The following WDR35 variants were observed in gnomAD, a reference collection of about 807,000 sequenced individuals.
WDR35 encodes WD repeat domain 35, also known as WD repeat-containing protein 35.
In WDR35, 118 loss-of-function variants were observed where a neutral mutation model predicts 158.3. The observed-to-expected ratio is 0.75, with a 90% CI of 0.64 to 0.87. WDR35 has a LOEUF of 0.87. WDR35 is among the 40% of genes least tolerant of loss of function. WDR35 has a pLI of 0.00. For synonymous variants in WDR35, 448 were observed against 476.1 expected, an observed-to-expected ratio of 0.94 and a Z score of 0.77; for missense variants, 1,263 against 1,405.8, an observed-to-expected ratio of 0.90 and a Z score of 1.62.
At chr2:19,957,047 A>G (rs1671468239) in intron 11 of WDR35, among the ~76,000 whole-genome samples, 1 of 152,226 alleles carries the variant, frequency 6.6e-6, no homozygotes, top group Admixed American at 6.5e-5. Context: ...TTTAGCAGAT[A>G]AAGAAACTGA....
At chr2:19,963,834 T>C (rs928421010) in intron 10 of WDR35, among the ~76,000 whole-genome samples, 1 of 151,934 alleles carries the variant, frequency 6.6e-6, no homozygotes, top group Admixed American at 6.6e-5. Flanking sequence ...GCCTCTGCCT[T>C]CAGGGTTCAA....
intron 14 of WDR35, among the ~76,000 whole-genome samples, chr2:19,947,479 T>C (rs1368838056): frequency 2.6e-5 from 4 of 152,236 alleles, no homozygotes; most frequent in African/African-American, 9.6e-5. Context: ...GCAGCATTAC[T>C]GTATAAAAGT....
chr2:19,974,505 A>C lies in WDR35; in HGVS notation c.699T>G (p.Asn233Lys), dbSNP rs764618231. 1 of 1,611,870 alleles carries C rather than the reference A, an allele frequency of 6.2e-7. No homozygotes were observed. Among genetic ancestry groups the C allele is most frequent in the Non-Finnish European group, 8.5e-7 (1 of 1,178,842 alleles). Reference protein sequence around the residue: ...DCPCLAVCFDNGRCQIMRHEN... With the variant: ...DCPCLAVCFDKGRCQIMRHEN... The stretch of plus-strand genomic sequence containing the variant: ...CATGTCTCATTATTTGGCATCTTCC[A>C]TTATCAAAGCAAACAGCAAGGCAAG... Residue 233 changes from asparagine (N) to lysine (K), a missense_variant, in exon 7 of 27, where the codon AAT becomes AAG. By Grantham distance (94) the Asn-to-Lys change is moderately conservative. Coordinates refer to ENST00000281405, the MANE Select transcript of WDR35 (RefSeq NM_020779.4).
chr2:19,924,256 CA>C (rs1428716408), intron 25 of WDR35, among the ~76,000 whole-genome samples: 2 of 152,118 alleles, frequency 1.3e-5, no homozygotes, highest in African/African-American at 4.8e-5. Context: ...AGCTTGGTTA[CA>C]GGAGTCTCTT....
intron 25 of WDR35, among the ~76,000 whole-genome samples, chr2:19,924,985 A>T (rs1670311541): frequency 6.6e-6 from 1 of 152,222 alleles, no homozygotes; most frequent in Non-Finnish European, 1.5e-5. Flanking sequence ...TGATTTTGGG[A>T]AATGCAATGA....
intron 25 of WDR35, 24 bp from the exon 26 acceptor site, chr2:19,914,301 G>A (rs781726185): frequency 6.2e-7 from 1 of 1,613,448 alleles, no homozygotes; most frequent in African/African-American, 1.3e-5. Flanking sequence ...GGCAATTGGG[G>A]TTTTTTAAAA....
chr2:19,913,750 C>A lies in WDR35; in HGVS notation c.3363-42G>T. ...AACAATTCATTATACTTTAAAACTT[C>A]TCATTAGTCTAACTTTATTTAATAC... On this transcript the variant is annotated intron_variant, in intron 26 of 26. Transcript: ENST00000281405. 3 of 1,612,992 alleles carry A rather than the reference C, an allele frequency of 1.9e-6. No homozygotes were observed. The South Asian group carries it at 3.3e-5, about 18-fold the overall frequency.
chr2:19,978,945 T>C (rs763378110), intron 4 of WDR35, 66 bp from the exon 5 acceptor site: 98 of 1,596,628 alleles, frequency 6.1e-5, no homozygotes, highest in Non-Finnish European at 8.2e-5. Flanking sequence ...TAGTTAAGAA[T>C]TGAAAGCATT....
chr2:19,922,781 A>G (rs1314254075), intron 25 of WDR35, among the ~76,000 whole-genome samples: 1 of 152,168 alleles, frequency 6.6e-6, no homozygotes. Flanking sequence ...CTGGCCATAA[A>G]CCAGCCCCAA....
rs760917850 is a variant in WDR35, at chr2:19,936,314, G to A, written c.2319C>T (p.Leu773=). 1 of 1,614,012 alleles carries A rather than the reference G, an allele frequency of 6.2e-7. No homozygotes were observed. Among genetic ancestry groups the A allele is most frequent in the South Asian group, 1.1e-5 (1 of 91,076 alleles). The change falls in exon 20 of 27, where the codon CTC becomes CTT. Residue 773 remains leucine (L), a synonymous_variant. Transcript: ENST00000281405. Reference sequence around the variant, plus strand: ...CACCAGATCCAGTTTTCAGGAGCTGGAGTACTCTAAACCAATCCCCCAATT... The same window carrying A: ...CACCAGATCCAGTTTTCAGGAGCTGAAGTACTCTAAACCAATCCCCCAATT... ...RLKLGDWFRV[L]QLLKTGSGDA...
chr2:19,938,947 T>C (rs963557155), intron 17 of WDR35, among the ~76,000 whole-genome samples: 1 of 152,200 alleles, frequency 6.6e-6, no homozygotes, highest in African/African-American at 2.4e-5. Context: ...TGTTAATTAA[T>C]AGTTGCTGAA....
chr2:19,919,771 C>T (rs1025526631), intron 25 of WDR35, among the ~76,000 whole-genome samples: 9 of 152,020 alleles, frequency 5.9e-5, no homozygotes, highest in African/African-American at 2.2e-4. Flanking sequence ...ACAAAAAACC[C>T]TCCAAAAAAT....
intron 13 of WDR35, 132 bp downstream of exon 13, chr2:19,951,283 G>C (rs570647541): frequency 1.2e-6 from 1 of 824,092 alleles, no homozygotes; most frequent in Admixed American, 2.9e-5. Context: ...TACAGAAGAG[G>C]ATTTTTTTAA....
chr2:19,961,939 C>T (rs546328903), intron 10 of WDR35, among the ~76,000 whole-genome samples: 1 of 152,228 alleles, frequency 6.6e-6, no homozygotes, highest in South Asian at 2.1e-4. Context: ...ACTTTACAGT[C>T]CTGATTTGGC....
chr2:19,930,337 C>T, intron 25 of WDR35, 59 bp downstream of exon 25: 1 of 1,608,158 alleles, frequency 6.2e-7, no homozygotes, highest in South Asian at 1.1e-5. Context: ...AAGAAGCTAG[C>T]CCTTCATACT....
In WDR35 at chr2:19,969,581, CA is replaced by C. The variant is rs1447832544; in HGVS notation, c.906del (p.Gly303GlufsTer14). On this transcript the variant is annotated frameshift_variant, in exon 9 of 27. Transcript: ENST00000281405. LOFTEE classifies it high-confidence loss of function. ...CAAGATAGTGCAGATATTTCCTTTC[CA>C]GGAACTTTCAAAGTACCCAGATGCT... ...FGEHLGTLKV[P>X]GKEISALSWE... The C allele has an allele frequency of 6.2e-7, 1 of 1,613,654 alleles. No individual in the cohort carries two copies. The highest frequency in any genetic ancestry group is 1.3e-5 in the African/African-American group (1 of 74,896).
chr2:19,929,369 A>G (rs1299683988), intron 25 of WDR35, among the ~76,000 whole-genome samples: 1 of 152,218 alleles, frequency 6.6e-6, no homozygotes, highest in Non-Finnish European at 1.5e-5. Flanking sequence ...ATGTATTAGG[A>G]TTAGAGTGTG....
chr2:19,941,745 T>A lies in WDR35; in HGVS notation c.1926+14A>T. 6.6e-7 allele frequency: 1 copy of A among 1,525,442 alleles called. No individual in the cohort carries two copies. Among genetic ancestry groups the A allele is most frequent in the Non-Finnish European group, 9.0e-7 (1 of 1,115,560 alleles). 94.5% of individuals were successfully genotyped at this position (1,525,442 alleles called of 1,614,324 possible). ...GTCAAGCTAGCAACAGAAATGTAAC[T>A]TTTTAGGAATTACCTTTAATATCTC... is the stretch of plus-strand genomic sequence containing the variant. On this transcript the variant is annotated intron_variant, in intron 17 of 26. Coordinates refer to ENST00000281405, the MANE Select transcript of WDR35 (RefSeq NM_020779.4).
chr2:19,938,516 G>A, intron 17 of WDR35, 115 bp from the exon 18 acceptor site: 2 of 1,321,692 alleles, frequency 1.5e-6, no homozygotes, highest in African/African-American at 1.5e-5. Context: ...GCATCATATT[G>A]TGAGCAAAAT....
Sources: gnomAD v4.1 joint callset for allele counts (sites outside exome capture counted in the v4.1 genomes callset) on GRCh38, gnomAD v4.1.1 for gene constraint, MANE v1.5 for transcripts, NCBI Gene and HGNC (gene_info 2026-07-23, HGNC 2026-07-21) for gene names.